Variants in PCDHA3 observed in about 807,000 individuals in gnomAD.
PCDHA3 encodes protocadherin alpha-3.
In PCDHA3, 41 loss-of-function variants were observed where a neutral mutation model predicts 62.2. That is an observed-to-expected ratio of 0.66 (90% CI 0.51 to 0.86). The LOEUF (loss-of-function observed/expected upper bound fraction) is 0.86. Ranked by LOEUF, PCDHA3 falls within the 40% of genes least tolerant of loss-of-function variation. The pLI, the probability that PCDHA3 is intolerant of heterozygous loss-of-function variation, is 0.00. For synonymous variants in PCDHA3, 640 were observed against 555.4 expected (o/e 1.15, Z -2.14); for missense variants, 1,304 against 1,241.2 (o/e 1.05, Z -0.76).
intron 3 of PCDHA3, among the ~76,000 whole-genome samples, chr5:141,007,772 G>T (rs1384054820): frequency 6.6e-6 from 1 of 152,122 alleles, no homozygotes; most frequent in Non-Finnish European, 1.5e-5. Context: ...GCCTGGAAAT[G>T]GTACTGCTTT....
intron 1 of PCDHA3, chr5:140,824,610 G>GTTGTT (rs1768193318): frequency 4.2e-5 from 4 of 95,102 alleles, no homozygotes; most frequent in African/African-American, 1.9e-4. Flanking sequence ...GCTAATTAAA[G>GTTGTT]TTTTTTTTTT....
At chr5:140,893,318 T>C (rs1329749503) in intron 1 of PCDHA3, among the ~76,000 whole-genome samples, 2 of 152,170 alleles carry the variant, frequency 1.3e-5, no homozygotes, top group African/African-American at 2.4e-5. Context: ...TTTGAGGGAC[T>C]CCCATACTGT....
chr5:140,969,403 G>C, intron 1 of PCDHA3: 1 of 1,579,282 alleles, frequency 6.3e-7, no homozygotes, highest in Non-Finnish European at 8.6e-7. Context: ...CCTGTGATTT[G>C]GCTTTATTGA....
rs1053041034 is a variant in PCDHA3 at position 141,011,123 on chromosome 5, T to G, written c.*1186T>G. ...CTCTCTCTTTTCTAAGAAACAATTA[T>G]GTGCACTTTGATACACAACCTTCTC... is the stretch of plus-strand genomic sequence containing the variant. On this transcript the variant is annotated 3_prime_UTR_variant, in exon 4 of 4. Coordinates refer to ENST00000522353, the MANE Select transcript of PCDHA3 (RefSeq NM_018906.3). 3 of 153,884 alleles carry G rather than the reference T, an allele frequency of 1.9e-5. No homozygotes were observed. The Admixed American group carries it at 2.0e-4, about 10-fold the overall frequency. The allele number at this position is 153,884 out of a possible 1,614,324, so 9.5% of individuals were successfully genotyped here.
chr5:140,973,178 G>A (rs188308697), intron 1 of PCDHA3, among the ~76,000 whole-genome samples: 1 of 152,282 alleles, frequency 6.6e-6, no homozygotes, highest in Admixed American at 6.5e-5. Flanking sequence ...CAAACCTTCA[G>A]TTATTTCTGC....
At chr5:140,803,817 T>C in intron 1 of PCDHA3, 1 of 673,370 alleles carries the variant, frequency 1.5e-6, no homozygotes, top group Non-Finnish European at 2.5e-6. Context: ...TGTTTTGTTA[T>C]TAGGTGCAGT....
chr5:140,807,357 C>A (rs949440782), intron 1 of PCDHA3: 2 of 1,610,572 alleles, frequency 1.2e-6, no homozygotes, highest in Non-Finnish European at 1.7e-6. Context: ...CTGGAGCTGG[C>A]GGAGCTGGTG....
At chr5:140,998,721 C>G (rs987484967) in intron 3 of PCDHA3, among the ~76,000 whole-genome samples, 1 of 152,084 alleles carries the variant, frequency 6.6e-6, no homozygotes, top group Non-Finnish European at 1.5e-5. Context: ...TGCACCACCA[C>G]GCTAGGCTAA....
intron 1 of PCDHA3, chr5:140,814,799 C>T (rs2126658995): frequency 5.9e-5 from 9 of 152,134 alleles, no homozygotes; most frequent in Admixed American, 2.0e-4. Context: ...TTATACAACA[C>T]TTGACTTTAT....
intron 3 of PCDHA3, among the ~76,000 whole-genome samples, chr5:140,984,674 G>A (rs2097114009): frequency 6.6e-6 from 1 of 152,090 alleles, no homozygotes; most frequent in Non-Finnish European, 1.5e-5. Context: ...AGGTTTTTAG[G>A]ACTCAATATA....
rs1554262721 is a variant in PCDHA3, at chr5:141,010,165, GA to G, written c.*230del. ...TTCTCTCCACTCTGGCTTGTTTTCA[GA>G]ACCTAAAAAGCAGACCCAAGTTTCC... On this transcript the variant is annotated 3_prime_UTR_variant, in exon 4 of 4. Coordinates refer to ENST00000522353, the MANE Select transcript of PCDHA3 (RefSeq NM_018906.3). The G allele has an allele frequency of 1.9e-6, 3 of 1,563,714 alleles. No homozygotes were observed.
At chr5:140,973,972 G>A (rs1467007704) in intron 1 of PCDHA3, among the ~76,000 whole-genome samples, 1 of 152,186 alleles carries the variant, frequency 6.6e-6, no homozygotes, top group Non-Finnish European at 1.5e-5. Flanking sequence ...TTTAAATGTG[G>A]CTTTTACAGA....
intron 1 of PCDHA3, chr5:140,842,520 C>T (rs2150337946): frequency 6.2e-7 from 1 of 1,613,528 alleles, no homozygotes; most frequent in East Asian, 2.2e-5. Context: ...CTGGTGTCCA[C>T]CTTCAAGAAT....
At chr5:140,888,972 G>A (rs900678700) in intron 1 of PCDHA3, among the ~76,000 whole-genome samples, 15 of 151,928 alleles carry the variant, frequency 9.9e-5, no homozygotes, top group Non-Finnish European at 4.4e-5. Context: ...TTAATGTGTT[G>A]AATTTATGAT....
intron 3 of PCDHA3, among the ~76,000 whole-genome samples, chr5:140,997,912 A>T (rs2097790316): frequency 1.3e-5 from 2 of 152,224 alleles, no homozygotes. Context: ...GTAGAATTAC[A>T]GAATCATAGG....
intron 3 of PCDHA3, among the ~76,000 whole-genome samples, chr5:141,009,295 A>AT (rs1258767808): frequency 6.6e-6 from 1 of 152,030 alleles, no homozygotes; most frequent in African/African-American, 2.4e-5. Flanking sequence ...TTTCTATAAA[A>AT]TTTTTTTTAA....
At chr5:140,931,183 T>C (rs1225985669) in intron 1 of PCDHA3, among the ~76,000 whole-genome samples, 2 of 152,158 alleles carry the variant, frequency 1.3e-5, no homozygotes, top group Non-Finnish European at 2.9e-5. Context: ...GGGAAGGAAA[T>C]TGGTGCACTA....
At chr5:140,927,104 C>CA in intron 1 of PCDHA3, 1 of 1,613,722 alleles carries the variant, frequency 6.2e-7, no homozygotes, top group Non-Finnish European at 8.5e-7. Flanking sequence ...GTGGATCTAC[C>CA]CAGCGGCAAT....
intron 1 of PCDHA3, among the ~76,000 whole-genome samples, chr5:140,923,975 T>C (rs1475895954): frequency 2.0e-5 from 3 of 152,222 alleles, no homozygotes; most frequent in African/African-American, 7.2e-5. Flanking sequence ...CCACACATAC[T>C]ATCCCTCTAG....
Sources: allele counts gnomAD v4.1 joint callset (sites outside exome capture counted in the v4.1 genomes callset), GRCh38; gene constraint gnomAD v4.1.1; transcripts MANE v1.5; gene names NCBI Gene and HGNC (gene_info 2026-07-23, HGNC 2026-07-21).